CCSER2: variants seen among roughly 807,000 people sequenced by gnomAD.
The protein encoded by CCSER2 is coiled-coil serine rich protein 2.
In CCSER2, 46 loss-of-function variants were observed where a neutral mutation model predicts 92.3. The ratio of observed to expected loss-of-function variants is 0.50; its 90% CI spans 0.39 to 0.64. The LOEUF (loss-of-function observed/expected upper bound fraction) is 0.64, where lower values mean the gene tolerates loss of function less well. Among genes scored for constraint, CCSER2 ranks in the 30% least tolerant of loss-of-function variants. The pLI, the probability that CCSER2 is intolerant of heterozygous loss-of-function variation, is 0.00. For missense variants in CCSER2, 1,244 were observed against 1,238.9 expected (o/e 1.00, Z -0.06); for synonymous variants, 433 against 431.4 (o/e 1.00, Z -0.04).
chr10:84,337,326 A>G (rs973375438), intron 1 of CCSER2, among the ~76,000 whole-genome samples: 1 of 152,216 alleles, frequency 6.6e-6, no homozygotes, highest in Non-Finnish European at 1.5e-5. Context: ...AAGGAAGAGA[A>G]TTAAGACTGA....
chr10:84,344,083 A>G (rs1844349887), intron 1 of CCSER2, among the ~76,000 whole-genome samples: 1 of 152,224 alleles, frequency 6.6e-6, no homozygotes, highest in African/African-American at 2.4e-5. Context: ...ATCATTTAAT[A>G]TGTTTCATAA....
At chr10:84,447,651 A>G (rs1845008595) in intron 6 of CCSER2, among the ~76,000 whole-genome samples, 1 of 152,218 alleles carries the variant, frequency 6.6e-6, no homozygotes, top group South Asian at 2.1e-4. Flanking sequence ...TCTTTTCTAA[A>G]AAATTAAGAA....
At chr10:84,443,939 C>T (rs1380236184) in intron 6 of CCSER2, among the ~76,000 whole-genome samples, 1 of 151,844 alleles carries the variant, frequency 6.6e-6, no homozygotes, top group African/African-American at 2.4e-5. Flanking sequence ...GGGAGTTTAA[C>T]AGTGAGAACA....
intron 9 of CCSER2, among the ~76,000 whole-genome samples, chr10:84,489,349 T>C (rs1201405): frequency 0.85 from 129,947 of 152,136 alleles, 55,581 homozygotes; most frequent in East Asian, 0.9. Flanking sequence ...GTTAAAGTCT[T>C]TCATTATTAT....
chr10:84,447,143 C>T (rs1489836675), intron 6 of CCSER2, among the ~76,000 whole-genome samples: 3 of 151,980 alleles, frequency 2.0e-5, no homozygotes, highest in African/African-American at 7.3e-5. Flanking sequence ...AGTCCTGAAG[C>T]ATGGAAATAG....
intron 9 of CCSER2, among the ~76,000 whole-genome samples, chr10:84,496,203 A>G (rs1036485096): frequency 6.6e-5 from 10 of 152,286 alleles, no homozygotes; most frequent in Admixed American, 2.0e-4. Flanking sequence ...AGTTTCTTAA[A>G]TATTTTTTAT....
intron 1 of CCSER2, among the ~76,000 whole-genome samples, chr10:84,340,284 G>A (rs1487981916): frequency 2.6e-5 from 4 of 151,968 alleles, no homozygotes; most frequent in Admixed American, 2.6e-4. Flanking sequence ...AGGTTTTTTT[G>A]TTATAGTATT....
At chr10:84,329,255 G>A (rs1589361602) in intron 1 of CCSER2, among the ~76,000 whole-genome samples, 2 of 152,208 alleles carry the variant, frequency 1.3e-5, no homozygotes, top group East Asian at 3.8e-4. Flanking sequence ...CTTTGGTGGG[G>A]CACACCGTTG....
At chr10:84,358,674 GTA>G (rs201368868) in intron 1 of CCSER2, among the ~76,000 whole-genome samples, 3,497 of 146,348 alleles carry the variant, frequency 0.024, 123 homozygotes, top group African/African-American at 0.082. Flanking sequence ...ATACATATAT[GTA>G]TATATATATA....
intron 9 of CCSER2, among the ~76,000 whole-genome samples, chr10:84,512,315 T>C (rs933630645): frequency 6.6e-6 from 1 of 150,744 alleles, no homozygotes; most frequent in African/African-American, 2.4e-5. Context: ...GAATTTCATG[T>C]TGTAAAGCCC....
chr10:84,496,441 A>T (rs975699999), intron 9 of CCSER2, among the ~76,000 whole-genome samples: 1 of 151,922 alleles, frequency 6.6e-6, no homozygotes, highest in Non-Finnish European at 1.5e-5. Flanking sequence ...GCCCGCCACC[A>T]CGCCCGGCTA....
intron 3 of CCSER2, among the ~76,000 whole-genome samples, chr10:84,416,763 C>T (rs1019750832): frequency 2.0e-5 from 3 of 151,960 alleles, no homozygotes; most frequent in African/African-American, 7.3e-5. Flanking sequence ...CCCGTCTCTA[C>T]CAAAAATACA....
intron 4 of CCSER2, among the ~76,000 whole-genome samples, chr10:84,421,404 G>T (rs1250161589): frequency 1.3e-5 from 2 of 152,154 alleles, no homozygotes; most frequent in East Asian, 3.9e-4. Context: ...CAGGAAACTT[G>T]CAGTCATGCT....
At chr10:84,342,560 C>T (rs1844250607) in intron 1 of CCSER2, among the ~76,000 whole-genome samples, 1 of 152,138 alleles carries the variant, frequency 6.6e-6, no homozygotes, top group South Asian at 2.1e-4. Context: ...CTCCTGTTCA[C>T]AGAATAAACT....
intron 9 of CCSER2, among the ~76,000 whole-genome samples, chr10:84,500,315 C>T (rs1038496653): frequency 1.8e-4 from 28 of 152,148 alleles, no homozygotes; most frequent in African/African-American, 6.8e-4. Flanking sequence ...AAAAAGTGTA[C>T]ATGTGATCTA....
intron 3 of CCSER2, among the ~76,000 whole-genome samples, chr10:84,398,457 T>C (rs542249022): frequency 5.9e-5 from 9 of 152,326 alleles, no homozygotes; most frequent in African/African-American, 2.2e-4. Context: ...GTTTTTATTG[T>C]AGTAGAATTC....
intron 1 of CCSER2, among the ~76,000 whole-genome samples, chr10:84,353,270 G>A (rs1844966996): frequency 6.6e-6 from 1 of 152,132 alleles, no homozygotes; most frequent in Non-Finnish European, 1.5e-5. Context: ...CGGTCATGGA[G>A]ATCCTGTATA....
chr10:84,420,622 T>C (rs1843092112), intron 4 of CCSER2, among the ~76,000 whole-genome samples: 1 of 152,086 alleles, frequency 6.6e-6, no homozygotes, highest in Middle Eastern at 3.2e-3. Context: ...GTTGATGATA[T>C]TATGCAGGTT....
intron 9 of CCSER2, among the ~76,000 whole-genome samples, chr10:84,500,980 C>T (rs1290946899): frequency 6.6e-6 from 1 of 152,006 alleles, no homozygotes; most frequent in Non-Finnish European, 1.5e-5. Context: ...GCTGCTACAC[C>T]TCTCCTTCCC....
Sources: gnomAD v4.1 joint callset for allele counts (sites outside exome capture counted in the v4.1 genomes callset) on GRCh38, gnomAD v4.1.1 for gene constraint, MANE v1.5 for transcripts, NCBI Gene and HGNC (gene_info 2026-07-23, HGNC 2026-07-21) for gene names.